LPP: variants seen among roughly 807,000 people sequenced by gnomAD.
LPP encodes the protein lipoma-preferred partner.
LPP carries 38 observed loss-of-function variants against 60.4 expected under a neutral mutation model. That is an observed-to-expected ratio of 0.63 (90% CI 0.49 to 0.83). The LOEUF (loss-of-function observed/expected upper bound fraction) is 0.83. Among genes scored for constraint, LPP ranks in the 40% least tolerant of loss-of-function variants. LPP has a pLI of 0.00. For synonymous variants in LPP, 328 were observed against 290.8 expected, an observed-to-expected ratio of 1.13 and a Z score of -1.30; for missense variants, 902 against 783.6, an observed-to-expected ratio of 1.15 and a Z score of -1.80.
At position 188,484,643 on chromosome 3, in the gene LPP, C is replaced by A. The variant is rs1805798889; in HGVS notation, c.245C>A (p.Pro82Gln). The A allele has an allele frequency of 1.2e-6, 2 of 1,613,988 alleles. No individual in the cohort carries two copies. Among genetic ancestry groups the A allele is most frequent in the Middle Eastern group, 1.6e-4 (1 of 6,062 alleles). The change falls in exon 5 of 12, where the codon CCA (proline) becomes CAA (glutamine). Residue 82 changes from proline to glutamine, a missense_variant. Coordinates refer to ENST00000617246, the MANE Select transcript of LPP (RefSeq NM_001375462.1). ...CCTCTAGATGATTCCAGTGCCCTTC[C>A]ATCTATCTCTGGAAACTTTCCTCCT... ...PPPLDDSSALPSISGNFPPPP... is the reference protein window; with the variant it reads ...PPPLDDSSALQSISGNFPPPP...
intron 7 of LPP, among the ~76,000 whole-genome samples, chr3:188,674,328 C>T (rs922334328): frequency 3.9e-5 from 6 of 152,152 alleles, no homozygotes; most frequent in African/African-American, 1.2e-4. Context: ...TTTGTAAACA[C>T]GAAAAGTAAA....
chr3:188,462,544 T>A (rs1464511), intron 4 of LPP, among the ~76,000 whole-genome samples: 7,467 of 33,926 alleles, frequency 0.22, 1,014 homozygotes, highest in Middle Eastern at 0.31. Context: ...TATATGAGCT[T>A]TATATATATA....
At chr3:188,420,209 G>T (rs1787422286) in intron 4 of LPP, among the ~76,000 whole-genome samples, 1 of 152,028 alleles carries the variant, frequency 6.6e-6, no homozygotes, top group Admixed American at 6.6e-5. Flanking sequence ...TTTAGAATTG[G>T]CTTGGTGTAT....
At chr3:188,640,742 T>C (rs937230014) in intron 7 of LPP, among the ~76,000 whole-genome samples, 5 of 151,992 alleles carry the variant, frequency 3.3e-5, no homozygotes, top group South Asian at 4.1e-4. Flanking sequence ...AACTTGAATA[T>C]ATCAGAATGA....
intron 8 of LPP, among the ~76,000 whole-genome samples, chr3:188,717,563 G>A (rs1432785952): frequency 6.6e-6 from 1 of 152,064 alleles, no homozygotes; most frequent in East Asian, 1.9e-4. Context: ...AGGTTGTATT[G>A]ATTTGGGGGG....
At chr3:188,430,197 G>GT (rs1790536868) in intron 4 of LPP, among the ~76,000 whole-genome samples, 1 of 151,486 alleles carries the variant, frequency 6.6e-6, no homozygotes, top group Admixed American at 6.6e-5. Flanking sequence ...GACTTAATAA[G>GT]TCTAAATTTT....
At chr3:188,186,737 TTTTTTG>T (rs1383473817) in intron 1 of LPP, among the ~76,000 whole-genome samples, 1 of 152,178 alleles carries the variant, frequency 6.6e-6, no homozygotes, top group East Asian at 1.9e-4. Context: ...CTTGTAACCA[TTTTTTG>T]TTTTTGAGTT....
chr3:188,288,817 CA>C (rs1744950267), intron 2 of LPP, among the ~76,000 whole-genome samples: 17 of 93,090 alleles, frequency 1.8e-4, no homozygotes, highest in African/African-American at 7.0e-4. Flanking sequence ...CTCCACCCCC[CA>C]CCCCCCACCC....
At chr3:188,287,209 A>G (rs1744229820) in intron 2 of LPP, among the ~76,000 whole-genome samples, 1 of 152,226 alleles carries the variant, frequency 6.6e-6, no homozygotes, top group African/African-American at 2.4e-5. Context: ...CCAAAGCACA[A>G]GTTTAAAAAT....
intron 7 of LPP, among the ~76,000 whole-genome samples, chr3:188,657,862 A>G (rs1853649209): frequency 6.6e-6 from 1 of 152,218 alleles, no homozygotes; most frequent in Admixed American, 6.5e-5. Context: ...GCATGCTCAT[A>G]GTACTCTTAC....
intron 3 of LPP, among the ~76,000 whole-genome samples, chr3:188,389,101 T>C (rs1458368284): frequency 6.6e-6 from 1 of 152,062 alleles, no homozygotes; most frequent in African/African-American, 2.4e-5. Context: ...CCCTGATTAT[T>C]ATTTAAGTTG....
intron 3 of LPP, among the ~76,000 whole-genome samples, chr3:188,403,484 GTGCATAA>G (rs1560357103): frequency 6.6e-6 from 1 of 152,114 alleles, no homozygotes. Context: ...TACTACCAAT[GTGCATAA>G]TGCATTAAAA....
intron 10 of LPP, 98 bp from the exon 11 acceptor site, chr3:188,872,545 G>A (rs1560323164): frequency 2.2e-6 from 3 of 1,342,490 alleles, no homozygotes; most frequent in South Asian, 1.2e-5. Flanking sequence ...GAGGAAGCAG[G>A]TATACCGACT....
At chr3:188,431,143 T>A (rs766050768) in intron 4 of LPP, among the ~76,000 whole-genome samples, 20 of 152,096 alleles carry the variant, frequency 1.3e-4, no homozygotes, top group Admixed American at 5.9e-4. Context: ...TGACTGCCTT[T>A]TACCCTAGAA....
At chr3:188,800,818 T>C (rs1267738981) in intron 9 of LPP, among the ~76,000 whole-genome samples, 1 of 152,252 alleles carries the variant, frequency 6.6e-6, no homozygotes, top group African/African-American at 2.4e-5. Flanking sequence ...TCATTTTCTA[T>C]GCTTAGTAAC....
chr3:188,761,846 A>C (rs1403218022), intron 9 of LPP, among the ~76,000 whole-genome samples: 1 of 152,232 alleles, frequency 6.6e-6, no homozygotes, highest in Non-Finnish European at 1.5e-5. Context: ...AAGGCATTAC[A>C]TAATTCCTTG....
intron 6 of LPP, among the ~76,000 whole-genome samples, chr3:188,589,689 AT>A (rs1838254552): frequency 6.6e-6 from 1 of 152,192 alleles, no homozygotes; most frequent in Admixed American, 6.5e-5. Flanking sequence ...AAGTAGTTTA[AT>A]TTTTATATAT....
intron 5 of LPP, among the ~76,000 whole-genome samples, chr3:188,508,999 G>A (rs1433918719): frequency 1.3e-5 from 2 of 152,070 alleles, no homozygotes; most frequent in Admixed American, 6.5e-5. Flanking sequence ...AATCTAGGAG[G>A]GGGCTTAGGA....
chr3:188,428,596 A>ATTT (rs3057781), intron 4 of LPP, among the ~76,000 whole-genome samples: 2,804 of 142,632 alleles, frequency 0.02, 41 homozygotes, highest in Middle Eastern at 0.051. Flanking sequence ...ATATATATAT[A>ATTT]TTTTTTTTTT....
Sources: gnomAD v4.1 joint callset for allele counts (sites outside exome capture counted in the v4.1 genomes callset) on GRCh38, gnomAD v4.1.1 for gene constraint, MANE v1.5 for transcripts, NCBI Gene and HGNC (gene_info 2026-07-23, HGNC 2026-07-21) for gene names.